STIM2: variants seen among roughly 807,000 people sequenced by gnomAD.
STIM2 encodes stromal interaction molecule 2.
In STIM2, 31 loss-of-function variants were observed where a neutral mutation model predicts 85.8. The observed-to-expected ratio is 0.36, with a 90% CI of 0.27 to 0.49. The LOEUF (loss-of-function observed/expected upper bound fraction) is 0.49. Among genes scored for constraint, STIM2 ranks in the 20% least tolerant of loss-of-function variants. The pLI is 0.98. For missense variants in STIM2, 841 were observed against 927.6 expected, an observed-to-expected ratio of 0.91 and a Z score of 1.21; for synonymous variants, 356 against 331.1, an observed-to-expected ratio of 1.08 and a Z score of -0.82.
At chr4:26,870,409 A>G (rs73116645) in intron 1 of STIM2, among the ~76,000 whole-genome samples, 9,167 of 152,200 alleles carry the variant, frequency 0.06, 787 homozygotes, top group African/African-American at 0.19. Flanking sequence ...TACCTTAAAT[A>G]TATCTACTTT....
chr4:27,008,132 T>C (rs1728433658), intron 8 of STIM2: 6 of 610,134 alleles, frequency 9.8e-6, no homozygotes, highest in African/African-American at 1.9e-5. Flanking sequence ...TAGTATAATA[T>C]AGCTAATGTT....
intron 11 of STIM2, among the ~76,000 whole-genome samples, chr4:27,022,284 G>A (rs1207090930): frequency 6.6e-6 from 1 of 152,146 alleles, no homozygotes; most frequent in Non-Finnish European, 1.5e-5. Flanking sequence ...TATATTGTCT[G>A]TAGTTTGTAA....
intron 1 of STIM2, among the ~76,000 whole-genome samples, chr4:26,907,317 GA>G (rs1263853921): frequency 1.3e-5 from 2 of 152,108 alleles, no homozygotes; most frequent in African/African-American, 4.8e-5. Context: ...AACATTATGT[GA>G]AAAAGGATAG....
intron 1 of STIM2, among the ~76,000 whole-genome samples, chr4:26,906,416 T>C (rs1345404346): frequency 6.6e-6 from 1 of 150,994 alleles, no homozygotes; most frequent in Admixed American, 6.6e-5. Context: ...GATGTATCCA[T>C]GAACCCAAAA....
intron 1 of STIM2, among the ~76,000 whole-genome samples, chr4:26,869,600 C>T (rs1443917574): frequency 6.6e-6 from 1 of 152,000 alleles, no homozygotes; most frequent in East Asian, 1.9e-4. Flanking sequence ...ATGATCATAG[C>T]TCACTGCAGC....
intron 10 of STIM2, among the ~76,000 whole-genome samples, chr4:27,013,124 ACAT>A: frequency 6.6e-6 from 1 of 152,002 alleles, no homozygotes. Context: ...GATTATATTA[ACAT>A]CATAAAATAA....
chr4:26,927,570 A>G (rs1359230830), intron 2 of STIM2, among the ~76,000 whole-genome samples: 1 of 76,362 alleles, frequency 1.3e-5, no homozygotes, highest in Admixed American at 1.7e-4. Context: ...TGGGAGATAT[A>G]CCTAATGCTA....
chr4:26,956,610 C>A (rs1726252514), intron 2 of STIM2, among the ~76,000 whole-genome samples: 1 of 151,884 alleles, frequency 6.6e-6, no homozygotes, highest in Admixed American at 6.6e-5. Context: ...AGGTATACTT[C>A]AGTTTTGTAA....
intron 1 of STIM2, among the ~76,000 whole-genome samples, chr4:26,868,589 G>A (rs1025392733): frequency 2.0e-5 from 3 of 152,164 alleles, no homozygotes; most frequent in African/African-American, 7.2e-5. Flanking sequence ...TTCTCAATAA[G>A]TAAAAAGGCT....
At chr4:26,960,506 A>G (rs1035075) in intron 3 of STIM2, among the ~76,000 whole-genome samples, 146,673 of 152,312 alleles carry the variant, frequency 0.96, 70,764 homozygotes, top group East Asian at 1. Context: ...ATTCAGTAGT[A>G]AATATTCACT....
At chr4:27,005,674 G>A (rs1356862993) in intron 7 of STIM2, among the ~76,000 whole-genome samples, 2 of 152,288 alleles carry the variant, frequency 1.3e-5, no homozygotes, top group Admixed American at 6.5e-5. Context: ...TAATAGCAGA[G>A]AAAACAGTTA....
chr4:26,861,374 G>GGGGCCGGGGGGCGGCGGGCGGGGCT lies in STIM2; in HGVS notation c.151+6_151+30dup, dbSNP rs1722180483. The GGGGCCGGGGGGCGGCGGGCGGGGCT allele has an allele frequency of 1.5e-6, 2 of 1,290,606 alleles. No homozygotes were observed. The highest frequency in any genetic ancestry group is 4.2e-5 in the Admixed American group (1 of 23,638). The allele number at this position is 1,290,606 out of a possible 1,614,324, so 79.9% of individuals were successfully genotyped here. On this transcript the variant is annotated splice_donor_region_variant and intron_variant, in intron 1 of 11. Coordinates refer to ENST00000467087, the MANE Select transcript of STIM2 (RefSeq NM_020860.4). ...ATAGCCCGGCGCTCATGACAGGTGAGGGGCCGGGGGGCGGCGGGCGGGGCT... is the reference window on the plus strand; with the variant it reads ...ATAGCCCGGCGCTCATGACAGGTGAGGGGCCGGGGGGCGGCGGGCGGGGCTGGGCCGGGGGGCGGCGGGCGGGGCT...
intron 1 of STIM2, among the ~76,000 whole-genome samples, chr4:26,879,469 C>T (rs1438641009): frequency 1.3e-5 from 2 of 151,768 alleles, no homozygotes; most frequent in African/African-American, 2.4e-5. Context: ...TTATTGAATA[C>T]CTTTTTTATT....
intron 1 of STIM2, among the ~76,000 whole-genome samples, chr4:26,887,019 C>T (rs1046174419): frequency 9.2e-5 from 14 of 151,886 alleles, no homozygotes; most frequent in African/African-American, 3.4e-4. Context: ...TTCTGTTGTC[C>T]TGAAAATCAA....
In STIM2 at chr4:27,017,847, G is replaced by A; in HGVS notation, c.1626G>A (p.Arg542=). Residue 542 remains arginine, a synonymous_variant, in exon 11 of 12, where the codon CGG becomes CGA. Coordinates refer to ENST00000467087, the MANE Select transcript of STIM2 (RefSeq NM_020860.4). ...ACGCCCCCCACCCGTCACACCCTCG[G>A]CACCCTCACCACCCGCAACACACAC... 1 of 1,613,966 alleles carries A rather than the reference G, an allele frequency of 6.2e-7. No individual in the cohort carries two copies. Among genetic ancestry groups the A allele is most frequent in the Non-Finnish European group, 8.5e-7 (1 of 1,179,988 alleles).
intron 3 of STIM2, among the ~76,000 whole-genome samples, chr4:26,968,187 C>A (rs889513144): frequency 6.6e-6 from 1 of 151,908 alleles, no homozygotes; most frequent in African/African-American, 2.4e-5. Context: ...AAATCATTAA[C>A]CTTCAGGAAA....
intron 1 of STIM2, among the ~76,000 whole-genome samples, chr4:26,890,843 A>C (rs1456456647): frequency 2.7e-5 from 4 of 150,926 alleles, no homozygotes; most frequent in Non-Finnish European, 5.9e-5. Context: ...AAAAAAAAAA[A>C]GGAGAGTACT....
At chr4:26,922,718 G>C (rs1470571902) in intron 2 of STIM2, among the ~76,000 whole-genome samples, 1 of 152,076 alleles carries the variant, frequency 6.6e-6, no homozygotes, top group African/African-American at 2.4e-5. Context: ...GGGACTTAAA[G>C]TTACAACCCT....
intron 1 of STIM2, among the ~76,000 whole-genome samples, chr4:26,906,651 CTGTT>C (rs1724137029): frequency 6.6e-5 from 10 of 151,992 alleles, no homozygotes; most frequent in Admixed American, 6.6e-4. Flanking sequence ...ATGAGAATAT[CTGTT>C]TTTCTTTCCT....
Sources: allele counts gnomAD v4.1 joint callset (sites outside exome capture counted in the v4.1 genomes callset), GRCh38; gene constraint gnomAD v4.1.1; transcripts MANE v1.5; gene names NCBI Gene and HGNC (gene_info 2026-07-23, HGNC 2026-07-21).